The following STAG1 variants were observed in gnomAD, a reference collection of about 807,000 sequenced individuals.
STAG1 encodes the protein cohesin subunit SA-1.
In STAG1, 26 loss-of-function variants were observed where a neutral mutation model predicts 170.9. That is an observed-to-expected ratio of 0.15 (90% CI 0.11 to 0.21). The LOEUF is 0.21. STAG1 is among the 10% of genes least tolerant of loss of function. The pLI is 1.00. For synonymous variants in STAG1, 514 were observed against 497.7 expected (o/e 1.03, Z -0.44); for missense variants, 964 against 1,509.5 (o/e 0.64, Z 5.99).
intron 12 of STAG1, among the ~76,000 whole-genome samples, chr3:136,470,329 A>G (rs1033669967): frequency 1.9e-4 from 29 of 152,252 alleles, no homozygotes; most frequent in Non-Finnish European, 1.5e-5. Flanking sequence ...GGCAAAGGAT[A>G]TGAACAGACA....
At chr3:136,362,145 G>A (rs963054432) in intron 26 of STAG1, among the ~76,000 whole-genome samples, 1 of 151,252 alleles carries the variant, frequency 6.6e-6, no homozygotes, top group Non-Finnish European at 1.5e-5. Context: ...TTTTAGTAGA[G>A]ATGGGGTTTC....
intron 4 of STAG1, among the ~76,000 whole-genome samples, chr3:136,575,712 T>C (rs1286966868): frequency 6.7e-6 from 1 of 149,516 alleles, no homozygotes; most frequent in African/African-American, 2.4e-5. Context: ...CTTGTATCCT[T>C]AACAAGCAGC....
At chr3:136,404,989 G>A (rs1192993258) in intron 21 of STAG1, among the ~76,000 whole-genome samples, 1 of 151,746 alleles carries the variant, frequency 6.6e-6, no homozygotes, top group Non-Finnish European at 1.5e-5. Flanking sequence ...TTTTCTGTTG[G>A]CAAGAGACCT....
At chr3:136,415,881 T>G (rs2087757242) in intron 21 of STAG1, among the ~76,000 whole-genome samples, 1 of 152,130 alleles carries the variant, frequency 6.6e-6, no homozygotes, top group African/African-American at 2.4e-5. Flanking sequence ...CAACAGTATC[T>G]TAAGAGATAT....
chr3:136,467,128 G>GT (rs2089486462), intron 12 of STAG1, among the ~76,000 whole-genome samples: 2 of 151,996 alleles, frequency 1.3e-5, no homozygotes, highest in Non-Finnish European at 1.5e-5. Flanking sequence ...ACATCATAAC[G>GT]TAACGACAGG....
At chr3:136,570,060 T>C (rs1416933104) in intron 4 of STAG1, among the ~76,000 whole-genome samples, 1 of 152,166 alleles carries the variant, frequency 6.6e-6, no homozygotes, top group Non-Finnish European at 1.5e-5. Context: ...TAAAATTTTG[T>C]GTACTAAGGT....
chr3:136,520,865 C>G (rs1251781155), intron 7 of STAG1, among the ~76,000 whole-genome samples: 2 of 151,918 alleles, frequency 1.3e-5, no homozygotes, highest in East Asian at 3.9e-4. Flanking sequence ...TGTAATTATG[C>G]GATGAAAAAA....
intron 4 of STAG1, among the ~76,000 whole-genome samples, chr3:136,579,545 G>A (rs1430954312): frequency 6.6e-6 from 1 of 152,186 alleles, no homozygotes; most frequent in Non-Finnish European, 1.5e-5. Flanking sequence ...ACGTCCTGCT[G>A]GCTAATGGCT....
intron 3 of STAG1, among the ~76,000 whole-genome samples, chr3:136,621,005 G>C (rs960699126): frequency 6.6e-6 from 1 of 152,166 alleles, no homozygotes; most frequent in Admixed American, 6.5e-5. Context: ...GCGCACGCCT[G>C]TAGTCCCAGC....
At chr3:136,730,869 T>C (rs1478934390) in intron 1 of STAG1, among the ~76,000 whole-genome samples, 2 of 152,212 alleles carry the variant, frequency 1.3e-5, no homozygotes, top group African/African-American at 4.8e-5. Context: ...ATAGCAATGA[T>C]TCTTAAACTT....
intron 10 of STAG1, among the ~76,000 whole-genome samples, chr3:136,475,149 T>TTTC (rs2089717457): frequency 8.8e-6 from 1 of 114,124 alleles, no homozygotes; most frequent in Non-Finnish European, 2.1e-5. Flanking sequence ...TTTTTTTTTT[T>TTTC]TTTTTTTTTT....
chr3:136,499,843 T>A (rs942976603), intron 9 of STAG1: 2 of 153,558 alleles, frequency 1.3e-5, no homozygotes, highest in African/African-American at 4.8e-5. Flanking sequence ...TTTTTTAAAT[T>A]ATTAATTTGC....
intron 5 of STAG1, among the ~76,000 whole-genome samples, chr3:136,565,647 ATT>A (rs1937048481): frequency 6.6e-6 from 1 of 152,220 alleles, no homozygotes; most frequent in Admixed American, 6.5e-5. Flanking sequence ...AAATGGAATT[ATT>A]ATACGACCTA....
At chr3:136,367,743 A>C (rs542053501) in intron 24 of STAG1, among the ~76,000 whole-genome samples, 27 of 152,290 alleles carry the variant, frequency 1.8e-4, no homozygotes, top group African/African-American at 5.0e-4. Flanking sequence ...TGGTTACATT[A>C]TCAACTGAGA....
intron 26 of STAG1, among the ~76,000 whole-genome samples, chr3:136,362,538 T>C (rs937892924): frequency 7.1e-6 from 1 of 141,598 alleles, no homozygotes; most frequent in Non-Finnish European, 1.5e-5. Context: ...GAGGCCGAGG[T>C]AGGTGGATCA....
At chr3:136,508,397 A>T (rs188650363) in intron 7 of STAG1, among the ~76,000 whole-genome samples, 1 of 152,162 alleles carries the variant, frequency 6.6e-6, no homozygotes, top group Non-Finnish European at 1.5e-5. Flanking sequence ...GCTGCAACAT[A>T]AAGTCCTAGG....
chr3:136,478,183 A>T (rs113114750), intron 9 of STAG1, among the ~76,000 whole-genome samples: 177 of 152,326 alleles, frequency 1.2e-3, no homozygotes, highest in African/African-American at 2.5e-3. Flanking sequence ...CTGTAATAAT[A>T]TATTTTTTAG....
intron 15 of STAG1, among the ~76,000 whole-genome samples, chr3:136,441,035 T>C (rs1301982618): frequency 6.9e-6 from 1 of 144,632 alleles, no homozygotes; most frequent in Non-Finnish European, 1.5e-5. Context: ...CTTTCCTTTT[T>C]TTTTTTTTTT....
intron 6 of STAG1, among the ~76,000 whole-genome samples, chr3:136,539,111 G>A (rs1935775815): frequency 1.3e-5 from 2 of 151,460 alleles, no homozygotes; most frequent in South Asian, 4.2e-4. Flanking sequence ...TCTAGCCTGG[G>A]CGACAGAGCC....
Sources: gnomAD v4.1 joint callset for allele counts (sites outside exome capture counted in the v4.1 genomes callset) on GRCh38, gnomAD v4.1.1 for gene constraint, MANE v1.5 for transcripts, NCBI Gene and HGNC (gene_info 2026-07-23, HGNC 2026-07-21) for gene names.